Variants in ZBED6 observed in about 807,000 individuals in gnomAD.
ZBED6 encodes the protein zinc finger BED-type containing 6, also known as zinc finger BED domain-containing protein 6.
A neutral mutation model predicts 58.4 loss-of-function variants in ZBED6; 40 were observed. The observed-to-expected ratio is 0.68, with a 90% confidence interval of 0.53 to 0.89. ZBED6 has a LOEUF of 0.89. Ranked by LOEUF, ZBED6 falls within the 40% of genes least tolerant of loss-of-function variation. The probability of loss-of-function intolerance (pLI) is 0.00; values close to 1 mark genes in which losing one functional copy is unlikely to be tolerated. For synonymous variants in ZBED6, 439 were observed against 350.6 expected (o/e 1.25, Z -2.82); for missense variants, 1,057 against 1,003.9 (o/e 1.05, Z -0.71).
chr1:203,850,541 T>C (rs771074412), exon 15 of ZBED6: 2 of 1,613,988 alleles, frequency 1.2e-6, no homozygotes, highest in Non-Finnish European at 1.7e-6. Flanking sequence ...CGTGAAGCCA[T>C]CTGTGGTTAA....
rs528735360 is a variant in ZBED6, at chr1:203,834,670, A to G, written c.*3573+817A>G. Among the ~76,000 whole-genome samples the G allele has an allele frequency of 3.9e-5, 6 of 152,118 alleles. No individual in the cohort carries two copies. The South Asian group carries it at 1.0e-3, about 26-fold the overall frequency. On this transcript the variant is annotated intron_variant, in intron 9 of 16. Coordinates refer to ENST00000550078, the Ensembl canonical transcript of ZBED6. ...CAAAAAATTATTATTATCATTTGAA[A>G]CGAGAGTCTTGCTCTGTCGCCCACG...
Position 203,850,494 on chromosome 1 carries a change from G to T in ZBED6, c.*4639-21G>T, listed in dbSNP as rs534070691. The T allele has an allele frequency of 1.4e-5, 23 of 1,613,880 alleles. 1 individual carries two copies. The highest frequency in any genetic ancestry group is 1.3e-4 in the East Asian group (6 of 44,884). ...AAGAGTCTATTCTCACTGCTTATCA[G>T]ATATTTTCTGCCCTTTGTAGCTAAA... On this transcript the variant is annotated intron_variant, in intron 14 of 16. Transcript: ENST00000550078.
chr1:203,850,599 T>C (rs752066451), exon 15 of ZBED6: 7 of 1,614,100 alleles, frequency 4.3e-6, no homozygotes, highest in Non-Finnish European at 5.1e-6. Context: ...GCAGTGGAGA[T>C]GCACGCTGCT....
At chr1:203,814,910 A>C (rs1572036770) in intron 1 of ZBED6, 1 of 151,864 alleles carries the variant, frequency 6.6e-6, no homozygotes, top group African/African-American at 2.4e-5. Context: ...GCTCACTGCA[A>C]CCTCCACCTC....
intron 1 of ZBED6, among the ~76,000 whole-genome samples, chr1:203,814,527 GA>G (rs1207906868): frequency 2.1e-5 from 3 of 146,316 alleles, no homozygotes; most frequent in East Asian, 4.0e-4. Flanking sequence ...CCATCTCAAA[GA>G]AAAAAAAAAG....
intron 3 of ZBED6, among the ~76,000 whole-genome samples, chr1:203,820,314 A>C (rs779555578): frequency 1.3e-5 from 2 of 151,846 alleles, no homozygotes; most frequent in Non-Finnish European, 2.9e-5. Context: ...TGTTGAGAGC[A>C]GTTGCTCAGT....
At chr1:203,845,999 G>C (rs929854440) in intron 11 of ZBED6, among the ~76,000 whole-genome samples, 3 of 150,822 alleles carry the variant, frequency 2.0e-5, no homozygotes, top group African/African-American at 7.3e-5. Flanking sequence ...ATTTCAGACT[G>C]GGTATGGTGG....
chr1:203,810,801 A>T (rs1265160169), intron 1 of ZBED6, among the ~76,000 whole-genome samples: 1 of 151,750 alleles, frequency 6.6e-6, no homozygotes, highest in Non-Finnish European at 1.5e-5. Context: ...ATTTCTCCAC[A>T]CTCTGCCCAA....
chr1:203,836,910 G>A (rs1333179363), intron 9 of ZBED6, among the ~76,000 whole-genome samples: 2 of 152,302 alleles, frequency 1.3e-5, no homozygotes, highest in East Asian at 1.9e-4. Context: ...GGGTTATGTG[G>A]CTCTTAAAGT....
At chr1:203,833,279 C>T (rs1439736738) in intron 8 of ZBED6, among the ~76,000 whole-genome samples, 2 of 150,352 alleles carry the variant, frequency 1.3e-5, no homozygotes, top group African/African-American at 2.4e-5. Context: ...GCAGGAGAAT[C>T]GCTTGAACCC....
rs577261096 is a variant in ZBED6, at chr1:203,796,709, GTTAC to G, written c.-809_-806del. The G allele has an allele frequency of 2.5e-4, 91 of 361,422 alleles. No individual in the cohort carries two copies. In the Admixed American group the frequency reaches 2.7e-3, roughly 11 times the overall value. 22.4% of individuals were successfully genotyped at this position (361,422 alleles called of 1,614,324 possible). On this transcript the variant is annotated 5_prime_UTR_variant, in exon 1 of 17. Transcript: ENST00000550078. ...TATCTCTATAGCGTACAACTTGTGA[GTTAC>G]TTACAGGCTGTAAAAGCTTCTCAAG...
intron 11 of ZBED6, among the ~76,000 whole-genome samples, chr1:203,840,907 T>G (rs898737447): frequency 6.6e-6 from 1 of 152,170 alleles, no homozygotes; most frequent in Non-Finnish European, 1.5e-5. Context: ...ATCCTGGGAT[T>G]ACAGGCACGA....
chr1:203,822,003 C>T (rs34057724), intron 3 of ZBED6, among the ~76,000 whole-genome samples: 15,796 of 151,992 alleles, frequency 0.1, 1,110 homozygotes, highest in Non-Finnish European at 0.15. Context: ...GTGATCCGCC[C>T]GCCTTGGCCT....
At chr1:203,843,983 G>C (rs1408895192) in intron 11 of ZBED6, among the ~76,000 whole-genome samples, 3 of 151,490 alleles carry the variant, frequency 2.0e-5, no homozygotes, top group Admixed American at 2.0e-4. Context: ...TCACCCTTCC[G>C]AGTAGCTGGG....
rs1412826396 is a variant in ZBED6, at chr1:203,796,654, G to A, written c.-869G>A. ...GGGAGGGATCAATCGAAAAATGGAA[G>A]TGGTTTAAAGTTCATATTTCACTTT... is the stretch of plus-strand genomic sequence containing the variant. On this transcript the variant is annotated 5_prime_UTR_variant, in exon 1 of 17. The change creates a new upstream start codon in the 5' untranslated region. Transcript: ENST00000550078. 1.0e-5 allele frequency: 4 copies of A among 391,522 alleles called. No individual in the cohort carries two copies. The highest frequency in any genetic ancestry group is 1.8e-5 in the Non-Finnish European group (4 of 222,154). The allele number at this position is 391,522 out of a possible 1,614,324, so 24.3% of individuals were successfully genotyped here. A position where few individuals can be genotyped will look rare whatever the true frequency, so the allele number is the denominator to read the frequency against.
At chr1:203,845,134 C>T (rs1362303372) in intron 11 of ZBED6, among the ~76,000 whole-genome samples, 1 of 152,106 alleles carries the variant, frequency 6.6e-6, no homozygotes, top group African/African-American at 2.4e-5. Context: ...TATTATTTTT[C>T]CATTTTTCTG....
At chr1:203,798,930 T>G in exon 1 of ZBED6, 1 of 1,536,134 alleles carries the variant, frequency 6.5e-7, no homozygotes, top group South Asian at 1.2e-5. Flanking sequence ...AAAAATTTTC[T>G]TAACTTTAGA....
intron 1 of ZBED6, among the ~76,000 whole-genome samples, chr1:203,813,914 A>G (rs1675351898): frequency 6.6e-6 from 1 of 151,124 alleles, no homozygotes; most frequent in African/African-American, 2.4e-5. Flanking sequence ...TCACACACCT[A>G]ATCTCCAACA....
At chr1:203,838,455 G>A (rs373893562) in intron 10 of ZBED6, among the ~76,000 whole-genome samples, 2 of 152,222 alleles carry the variant, frequency 1.3e-5, no homozygotes, top group East Asian at 1.9e-4. Flanking sequence ...AATTAGCCAG[G>A]TGAAGTTCGA....
Sources: allele counts gnomAD v4.1 joint callset (sites outside exome capture counted in the v4.1 genomes callset), GRCh38; gene constraint gnomAD v4.1.1; transcripts MANE v1.5; gene names NCBI Gene and HGNC (gene_info 2026-07-23, HGNC 2026-07-21).